The following DLG2 variants were observed in gnomAD, a reference collection of about 807,000 sequenced individuals.
DLG2 encodes discs large MAGUK scaffold protein 2.
In DLG2, 45 loss-of-function variants were observed where a neutral mutation model predicts 132.5. The observed-to-expected ratio is 0.34, with a 90% confidence interval of 0.27 to 0.44. DLG2 has a LOEUF of 0.44. Ranked by LOEUF, DLG2 falls within the 20% of genes least tolerant of loss-of-function variation. DLG2 has a pLI of 1.00. For synonymous variants in DLG2, 424 were observed against 419.6 expected, an observed-to-expected ratio of 1.01 and a Z score of -0.13; for missense variants, 1,045 against 1,196.9, an observed-to-expected ratio of 0.87 and a Z score of 1.87.
chr11:84,504,023 C>T (rs1366169991), intron 7 of DLG2, among the ~76,000 whole-genome samples: 1 of 152,264 alleles, frequency 6.6e-6, no homozygotes, highest in Middle Eastern at 3.4e-3. Context: ...ATATTTTTCC[C>T]AACACAGCTT....
chr11:85,041,959 A>T (rs2061906418), intron 6 of DLG2, among the ~76,000 whole-genome samples: 1 of 151,890 alleles, frequency 6.6e-6, no homozygotes, highest in Non-Finnish European at 1.5e-5. Context: ...GGGAGAAATG[A>T]AAAATTACCT....
intron 7 of DLG2, among the ~76,000 whole-genome samples, chr11:84,494,632 T>C (rs1401124692): frequency 6.6e-6 from 1 of 152,080 alleles, no homozygotes; most frequent in Non-Finnish European, 1.5e-5. Flanking sequence ...TAGATAAACA[T>C]GGTTTCAGGA....
At chr11:84,797,876 A>G (rs1329115960) in intron 6 of DLG2, among the ~76,000 whole-genome samples, 1 of 152,162 alleles carries the variant, frequency 6.6e-6, no homozygotes, top group Non-Finnish European at 1.5e-5. Flanking sequence ...AAGTATTCAA[A>G]GAGACTTGGG....
At chr11:84,493,096 C>T (rs1276535672) in intron 7 of DLG2, among the ~76,000 whole-genome samples, 1 of 152,020 alleles carries the variant, frequency 6.6e-6, no homozygotes, top group East Asian at 1.9e-4. Context: ...GTCACGTTTC[C>T]TTTTCTACCT....
chr11:85,232,777 TA>T (rs1373635790), intron 4 of DLG2, among the ~76,000 whole-genome samples: 3 of 151,996 alleles, frequency 2.0e-5, no homozygotes, highest in African/African-American at 7.2e-5. Flanking sequence ...ATAATTTATC[TA>T]AATTACCTTA....
chr11:84,289,152 C>A (rs376275311), intron 7 of DLG2, among the ~76,000 whole-genome samples: 2 of 152,026 alleles, frequency 1.3e-5, no homozygotes, highest in Non-Finnish European at 2.9e-5. Context: ...AGTTTCTAAT[C>A]ATTATATCTA....
chr11:83,582,212 T>C (rs2096991644), intron 19 of DLG2, among the ~76,000 whole-genome samples: 1 of 152,044 alleles, frequency 6.6e-6, no homozygotes, highest in Non-Finnish European at 1.5e-5. Flanking sequence ...CACCTTGGCC[T>C]CCCAAAGTGC....
chr11:84,908,960 G>A (rs191633895), intron 6 of DLG2, among the ~76,000 whole-genome samples: 7 of 151,878 alleles, frequency 4.6e-5, no homozygotes, highest in African/African-American at 1.7e-4. Flanking sequence ...TGATCACACA[G>A]CTGGTAAGAG....
chr11:83,687,915 T>C (rs974192721), intron 18 of DLG2, among the ~76,000 whole-genome samples: 44 of 151,418 alleles, frequency 2.9e-4, no homozygotes, highest in Admixed American at 1.4e-3. Context: ...GGGAGGAGGA[T>C]CACTTGACCC....
At chr11:85,165,123 C>T (rs542042310) in intron 4 of DLG2, among the ~76,000 whole-genome samples, 1 of 152,192 alleles carries the variant, frequency 6.6e-6, no homozygotes, top group African/African-American at 2.4e-5. Context: ...GACACATTTA[C>T]GAAGAGATAG....
chr11:83,655,292 G>T (rs561706614), intron 18 of DLG2, among the ~76,000 whole-genome samples: 54 of 152,290 alleles, frequency 3.5e-4, no homozygotes, highest in African/African-American at 1.2e-3. Context: ...AAGAATGAAA[G>T]ACAATAAACA....
At chr11:84,440,138 T>C (rs1189537936) in intron 7 of DLG2, among the ~76,000 whole-genome samples, 1 of 152,202 alleles carries the variant, frequency 6.6e-6, no homozygotes, top group Non-Finnish European at 1.5e-5. Context: ...CAAGAGGCTT[T>C]ATAAATTTTT....
At chr11:84,804,297 C>T (rs2075755001) in intron 6 of DLG2, among the ~76,000 whole-genome samples, 1 of 152,146 alleles carries the variant, frequency 6.6e-6, no homozygotes, top group Admixed American at 6.5e-5. Context: ...ATATTAGAGG[C>T]AATAATGTCT....
intron 17 of DLG2, among the ~76,000 whole-genome samples, chr11:83,799,644 A>G (rs1317534733): frequency 6.6e-6 from 1 of 152,162 alleles, no homozygotes; most frequent in Admixed American, 6.5e-5. Context: ...AAAATGGGAA[A>G]TGGGGAAGGT....
chr11:84,209,591 C>T (rs1459519529), intron 8 of DLG2, among the ~76,000 whole-genome samples: 1 of 148,142 alleles, frequency 6.8e-6, no homozygotes, highest in Non-Finnish European at 1.5e-5. Flanking sequence ...TTTTAACGTT[C>T]CTGTAAATCT....
chr11:84,502,884 A>G (rs545102511), intron 7 of DLG2, among the ~76,000 whole-genome samples: 1 of 152,246 alleles, frequency 6.6e-6, no homozygotes, highest in Admixed American at 6.5e-5. Context: ...TGGACAATAA[A>G]GTAAATGCAT....
intron 17 of DLG2, among the ~76,000 whole-genome samples, chr11:83,794,900 G>A (rs1000551711): frequency 1.3e-5 from 2 of 152,046 alleles, no homozygotes; most frequent in African/African-American, 4.8e-5. Flanking sequence ...TCTTTCAAGG[G>A]CATAAGTCAA....
chr11:85,374,131 AC>A (rs1310575386), intron 3 of DLG2, among the ~76,000 whole-genome samples: 1 of 152,156 alleles, frequency 6.6e-6, no homozygotes, highest in Admixed American at 6.5e-5. Flanking sequence ...AAAAAAGCAG[AC>A]AGTTTTTGAG....
intron 4 of DLG2, among the ~76,000 whole-genome samples, chr11:85,163,787 T>C (rs1172947523): frequency 6.6e-6 from 1 of 152,072 alleles, no homozygotes; most frequent in African/African-American, 2.4e-5. Flanking sequence ...TATAGCTGAG[T>C]TGGATGCCTT....
Sources: gnomAD v4.1 joint callset for allele counts (sites outside exome capture counted in the v4.1 genomes callset) on GRCh38, gnomAD v4.1.1 for gene constraint, MANE v1.5 for transcripts, NCBI Gene and HGNC (gene_info 2026-07-23, HGNC 2026-07-21) for gene names.